Variants in KIF22 observed in about 807,000 individuals in gnomAD.
KIF22 encodes the protein kinesin-like protein KIF22.
Under a neutral mutation model 73.0 loss-of-function variants are expected in KIF22, and 62 were observed. That is an observed-to-expected ratio of 0.85 (90% CI 0.69 to 1.05). The LOEUF (loss-of-function observed/expected upper bound fraction) is 1.05. KIF22 is among the 50% of genes least tolerant of loss of function. The pLI, the probability that KIF22 is intolerant of heterozygous loss-of-function variation, is 0.00. For missense variants in KIF22, 854 were observed against 870.1 expected, an observed-to-expected ratio of 0.98 and a Z score of 0.23; for synonymous variants, 411 against 340.1, an observed-to-expected ratio of 1.21 and a Z score of -2.29.
chr16:29,799,603 AC>A, intron 6 of KIF22, 24 bp from the exon 7 acceptor site: 1 of 1,613,726 alleles, frequency 6.2e-7, no homozygotes, highest in Non-Finnish European at 8.5e-7. Flanking sequence ...CTTCTGACCC[AC>A]CCACTGCCTG....
At chr16:29,804,239 G>A (rs952081537) in intron 11 of KIF22, 174 bp downstream of exon 11, 5 of 643,782 alleles carry the variant, frequency 7.8e-6, no homozygotes, top group African/African-American at 3.6e-5. Flanking sequence ...TCCTTGCAGG[G>A]CATTTAGGGT....
At position 29,790,822 on chromosome 16, in the gene KIF22, G is replaced by T. The variant is rs779754683; in HGVS notation, c.63G>T (p.Ala21=). The part of the protein sequence containing the change: ...RREMAAASAA[A]ISGAGRCRLS... Reference sequence around the variant, plus strand: ...AGATGGCGGCAGCTTCAGCGGCGGCGATCTCAGGTACTTGAGCCCGGCCTG... The same window carrying T: ...AGATGGCGGCAGCTTCAGCGGCGGCTATCTCAGGTACTTGAGCCCGGCCTG... The change falls in exon 1 of 14, where the codon GCG becomes GCT. Residue 21 remains alanine, a synonymous_variant. Coordinates refer to ENST00000160827, the MANE Select transcript of KIF22 (RefSeq NM_007317.3). 6 of 1,601,560 alleles carry T rather than the reference G, an allele frequency of 3.7e-6. No individual in the cohort carries two copies.
intron 8 of KIF22, among the ~76,000 whole-genome samples, chr16:29,801,295 CA>C (rs757216011): frequency 4.2e-4 from 64 of 152,196 alleles, no homozygotes; most frequent in Non-Finnish European, 6.5e-4. Flanking sequence ...CTATTCCCTC[CA>C]CCCCCCAGGA....
intron 11 of KIF22, 117 bp from the exon 12 acceptor site, chr16:29,804,697 A>G: frequency 1.2e-6 from 1 of 814,048 alleles, no homozygotes; most frequent in Non-Finnish European, 2.1e-6. Flanking sequence ...GACACACTTG[A>G]CAAGAGAGGA....
intron 1 of KIF22, among the ~76,000 whole-genome samples, chr16:29,796,284 AACACAC>A (rs1407553871): frequency 6.8e-6 from 1 of 146,614 alleles, no homozygotes; most frequent in African/African-American, 2.6e-5. Context: ...AAAAAAAAAA[AACACAC>A]ACACACACAC....
rs938047932 is a variant in KIF22 at position 29,803,603 on chromosome 16, A to T, written c.1604A>T (p.Gln535Leu). Residue 535 changes from glutamine (Q) to leucine (L), a missense_variant, in exon 10 of 14, where the codon CAG (glutamine) becomes CTG (leucine). Transcript: ENST00000160827. ...PLKKAVVMPL[Q>L]LIQEQAASPN... ...AAAAAGGCTGTGGTGATGCCCCTAC[A>T]GCTAAGTAAGTTTGACTCCAGGGGC... 1.2e-6 allele frequency: 2 copies of T among 1,605,606 alleles called. No individual in the cohort carries two copies. Among genetic ancestry groups the T allele is most frequent in the African/African-American group, 2.7e-5 (2 of 74,408 alleles).
rs751252940 is a variant in KIF22, at chr16:29,804,076, C to G, written c.1677+11C>G. 1.2e-6 allele frequency: 2 copies of G among 1,610,748 alleles called. No individual in the cohort carries two copies. The highest frequency in any genetic ancestry group is 1.7e-6 in the Non-Finnish European group (2 of 1,177,034). On this transcript the variant is annotated intron_variant, in intron 11 of 13. Coordinates refer to ENST00000160827, the MANE Select transcript of KIF22 (RefSeq NM_007317.3). ...GGCCGGAAGAGAAAGGTGAAAGTAG[C>G]TGGGGGCTTAGGCTACACCTGGAGC...
intron 1 of KIF22, chr16:29,792,423 C>A: frequency 4.1e-6 from 4 of 984,710 alleles, no homozygotes; most frequent in Non-Finnish European, 4.8e-6. Flanking sequence ...AATGAACAAG[C>A]CAGTGATTAG....
intron 1 of KIF22, among the ~76,000 whole-genome samples, chr16:29,796,284 A>ACACAC (rs1555499050): frequency 2.0e-5 from 3 of 146,692 alleles, no homozygotes; most frequent in African/African-American, 7.7e-5. Context: ...AAAAAAAAAA[A>ACACAC]ACACACACAC....
In KIF22 at chr16:29,799,128, G is replaced by A. The variant is rs1899036331; in HGVS notation, c.703G>A (p.Gly235Arg). 7 of 1,613,984 alleles carry A rather than the reference G, an allele frequency of 4.3e-6. No homozygotes were observed. The Admixed American group carries it at 1.2e-4, about 27-fold the overall frequency. The change falls in exon 5 of 14, where the codon GGA becomes AGA. Residue 235 changes from glycine (G) to arginine (R), a missense_variant. Physicochemically the swap from Gly to Arg is moderately radical, Grantham distance 125. Coordinates refer to ENST00000160827, the MANE Select transcript of KIF22 (RefSeq NM_007317.3). The part of the protein sequence containing the change: ...FLPASRNRTV[G>R]ATRLNQRSSR... The stretch of plus-strand genomic sequence containing the variant: ...GCCAGCCAGTCGAAATCGGACTGTA[G>A]GAGCCACCCGGCTCAACCAGCGCTC...
intron 1 of KIF22, among the ~76,000 whole-genome samples, chr16:29,796,480 A>C (rs1309011460): frequency 1.3e-5 from 2 of 151,412 alleles, no homozygotes; most frequent in Non-Finnish European, 2.9e-5. Flanking sequence ...AGGCTGAGGT[A>C]GGAGGATCGC....
intron 1 of KIF22, among the ~76,000 whole-genome samples, chr16:29,793,884 T>C (rs1346122283): frequency 6.6e-6 from 1 of 152,090 alleles, no homozygotes; most frequent in Non-Finnish European, 1.5e-5. Flanking sequence ...AAAAGTGTGT[T>C]TCCCAAGAGT....
At chr16:29,804,138 C>A in intron 11 of KIF22, 73 bp downstream of exon 11, 1 of 1,270,804 alleles carries the variant, frequency 7.9e-7, no homozygotes, top group Non-Finnish European at 1.2e-6. Flanking sequence ...GGGGGAGGAG[C>A]GTTGGCCTTG....
At chr16:29,799,237 G>C in intron 5 of KIF22, 27 bp from the exon 6 acceptor site, 1 of 1,611,634 alleles carries the variant, frequency 6.2e-7, no homozygotes, top group Non-Finnish European at 8.5e-7. Context: ...CCTGAGCTAA[G>C]CACGAGACCT....
intron 1 of KIF22, among the ~76,000 whole-genome samples, chr16:29,792,840 A>T (rs1005789186): frequency 8.5e-5 from 13 of 152,174 alleles, no homozygotes; most frequent in African/African-American, 2.9e-4. Flanking sequence ...CTGGTAACTT[A>T]CACTGCAAGG....
At chr16:29,791,930 C>T (rs1415951362) in intron 1 of KIF22, among the ~76,000 whole-genome samples, 1 of 152,174 alleles carries the variant, frequency 6.6e-6, no homozygotes, top group Non-Finnish European at 1.5e-5. Context: ...AATGTCCCTT[C>T]CTCGAGGAAT....
rs775322288 is a variant in KIF22, at chr16:29,790,779, C to G, written c.20C>G (p.Thr7Arg). The G allele has an allele frequency of 3.7e-6, 6 of 1,600,754 alleles. No homozygotes were observed. The highest frequency in any genetic ancestry group is 1.7e-4 in the Middle Eastern group (1 of 6,018). MAAGGSTQQRRREMAAA... is the reference protein window; with the variant it reads MAAGGSRQQRRREMAAA... ...AGTGGAATGGCCGCGGGCGGCTCGA[C>G]GCAGCAGAGGCGACGCGAGATGGCG... The change falls in exon 1 of 14, where the codon ACG becomes AGG. Residue 7 changes from threonine (T) to arginine (R), a missense_variant. Physicochemically the swap from Thr to Arg is moderately conservative, Grantham distance 71. Coordinates refer to ENST00000160827, the MANE Select transcript of KIF22 (RefSeq NM_007317.3).
rs767966150 is a variant in KIF22 at position 29,802,937 on chromosome 16, G to A, written c.1449G>A (p.Glu483=). 16 of 1,611,330 alleles carry A rather than the reference G, an allele frequency of 9.9e-6. No homozygotes were observed. In the South Asian group the frequency reaches 1.5e-4, roughly 16 times the overall value. ...KTVEEKDLEI[E]RLKTKQKELE... ...TGGAAGAGAAGGACCTAGAGATTGAGGTACGTGTTTTAGGGATGTGGGAGC... is the reference window on the plus strand; with the variant it reads ...TGGAAGAGAAGGACCTAGAGATTGAAGTACGTGTTTTAGGGATGTGGGAGC... Residue 483 remains glutamate (E), a splice_region_variant and synonymous_variant, in exon 9 of 14, where the codon GAG becomes GAA. Transcript: ENST00000160827.
At chr16:29,803,752 G>GC in intron 10 of KIF22, 144 bp downstream of exon 10, 1 of 761,942 alleles carries the variant, frequency 1.3e-6, no homozygotes, top group Non-Finnish European at 2.1e-6. Flanking sequence ...CTGAGGCAGT[G>GC]CTGGGGGTGC....
Sources: allele counts gnomAD v4.1 joint callset (sites outside exome capture counted in the v4.1 genomes callset), GRCh38; gene constraint gnomAD v4.1.1; transcripts MANE v1.5; gene names NCBI Gene and HGNC (gene_info 2026-07-23, HGNC 2026-07-21).